ZNF676: variants seen among roughly 807,000 people sequenced by gnomAD.
ZNF676 encodes zinc finger protein 676.
A neutral mutation model predicts 6.0 loss-of-function variants in ZNF676; 4 were observed. The ratio of observed to expected loss-of-function variants is 0.67; its 90% CI spans 0.33 to 1.53. ZNF676 has a LOEUF of 1.53. ZNF676 is among the 40% of genes most tolerant of loss of function. ZNF676 has a pLI of 0.06. For synonymous variants in ZNF676, 198 were observed against 223.1 expected (o/e 0.89, Z 1.00); for missense variants, 644 against 679.7 (o/e 0.95, Z 0.58).
upstream of ZNF676, among the ~76,000 whole-genome samples, chr19:22,198,371 A>C (rs976129085): frequency 5.9e-5 from 9 of 152,318 alleles, no homozygotes; most frequent in African/African-American, 1.9e-4. Flanking sequence ...TGATTATTGT[A>C]AGAATTTTTT....
At chr19:22,229,519 A>C in the ZNF676 span, among the ~76,000 whole-genome samples, 1 of 152,232 alleles carries the variant, frequency 6.6e-6, no homozygotes, top group Non-Finnish European at 1.5e-5. Flanking sequence ...AATTAAACTC[A>C]AGAGCTTCTG....
the ZNF676 span, among the ~76,000 whole-genome samples, chr19:22,229,079 T>C: frequency 2.0e-4 from 30 of 152,034 alleles, no homozygotes; most frequent in African/African-American, 6.8e-4. Context: ...CTGGAGACAT[T>C]ACAGTACCTG....
chr19:22,223,614 T>C, the ZNF676 span, among the ~76,000 whole-genome samples: 9 of 152,014 alleles, frequency 5.9e-5, no homozygotes, highest in African/African-American at 2.2e-4. Flanking sequence ...TTCAGACATT[T>C]AGGATAATAT....
chr19:22,258,210 T>C, the ZNF676 span, among the ~76,000 whole-genome samples: 18 of 152,104 alleles, frequency 1.2e-4, no homozygotes, highest in Non-Finnish European at 2.4e-4. Context: ...CCCAGAGTTA[T>C]GTCACAACCT....
At chr19:22,234,666 G>T in the ZNF676 span, among the ~76,000 whole-genome samples, 1 of 152,296 alleles carries the variant, frequency 6.6e-6, no homozygotes, top group South Asian at 2.1e-4. Flanking sequence ...AGGTGCAGTG[G>T]CTCATGCCTG....
chr19:22,231,286 AAAGG>A, the ZNF676 span, among the ~76,000 whole-genome samples: 1 of 152,126 alleles, frequency 6.6e-6, no homozygotes, highest in African/African-American at 2.4e-5. Context: ...AAAACGACAC[AAAGG>A]AAGACACAGA....
At chr19:22,226,077 G>C in the ZNF676 span, among the ~76,000 whole-genome samples, 1 of 151,734 alleles carries the variant, frequency 6.6e-6, no homozygotes, top group Non-Finnish European at 1.5e-5. Context: ...TTATATCTAA[G>C]TATTTTATAT....
the ZNF676 span, among the ~76,000 whole-genome samples, chr19:22,249,976 A>G: frequency 1.3e-5 from 2 of 151,872 alleles, no homozygotes; most frequent in Admixed American, 1.3e-4. Flanking sequence ...TGAGGTCAGG[A>G]GTTTGGGACC....
the ZNF676 span, among the ~76,000 whole-genome samples, chr19:22,248,126 T>C: frequency 6.6e-6 from 1 of 152,172 alleles, no homozygotes; most frequent in Non-Finnish European, 1.5e-5. Context: ...ATGTGCCACA[T>C]TTTCTTAATC....
the ZNF676 span, among the ~76,000 whole-genome samples, chr19:22,237,658 T>C: frequency 6.4e-3 from 973 of 152,122 alleles, no homozygotes; most frequent in African/African-American, 0.021. Flanking sequence ...CAGTGCAGGG[T>C]TTATCTCAGA....
chr19:22,230,051 A>T, the ZNF676 span, among the ~76,000 whole-genome samples: 1 of 152,208 alleles, frequency 6.6e-6, no homozygotes, highest in African/African-American at 2.4e-5. Context: ...ATGCACACGT[A>T]TGTTTGTTGC....
At chr19:22,194,722 C>G (rs2023949096) in intron 1 of ZNF676, among the ~76,000 whole-genome samples, 1 of 151,948 alleles carries the variant, frequency 6.6e-6, no homozygotes, top group Non-Finnish European at 1.5e-5. Flanking sequence ...ATAATAACAC[C>G]CCCGCTAGGA....
At chr19:22,215,982 G>GGGATT (rs2024184283), upstream of ZNF676, among the ~76,000 whole-genome samples, 1 of 152,176 alleles carries the variant, frequency 6.6e-6, no homozygotes, top group African/African-American at 2.4e-5. Flanking sequence ...CCTGAGCTGA[G>GGGATT]CCAGGCCTAC....
rs748334900 is a variant in ZNF676 at position 22,180,716 on chromosome 19, T to C, written c.1001A>G (p.Glu334Gly). The change falls in exon 3 of 3, where the codon GAG (glutamate) becomes GGG (glycine). Residue 334 changes from glutamate to glycine, a missense_variant. Around this residue, in one of 5 missense-constraint regions of ZNF676, gnomAD observed 29 missense variants for 44.4 expected, o/e 0.65. Coordinates refer to ENST00000397121, the MANE Select transcript of ZNF676 (RefSeq NM_001001411.3). ...LTEHKRIHAG[E>G]KPYKCEECGK... The stretch of plus-strand genomic sequence containing the variant: ...GCATTCTTCACATTTGTAGGGTTTC[T>C]CTCCAGCATGAATTCTCTTGTGTTC... The C allele has an allele frequency of 1.2e-6, 2 of 1,612,670 alleles. No homozygotes were observed. Among genetic ancestry groups the C allele is most frequent in the Admixed American group, 1.7e-5 (1 of 59,942 alleles).
At chr19:22,244,823 T>G in the ZNF676 span, 7 of 152,238 alleles carry the variant, frequency 4.6e-5, no homozygotes, top group African/African-American at 1.7e-4. Context: ...TCTGATCCAG[T>G]CCTGTAGGTG....
At chr19:22,246,951 T>C in the ZNF676 span, among the ~76,000 whole-genome samples, 3 of 152,254 alleles carry the variant, frequency 2.0e-5, no homozygotes, top group African/African-American at 7.2e-5. Context: ...ACTTCTCTAA[T>C]AAACTTGCTT....
At position 22,196,689 on chromosome 19, in the gene ZNF676, G is replaced by C; in HGVS notation, c.-56C>G. On this transcript the variant is annotated 5_prime_UTR_variant, in exon 1 of 3. Coordinates refer to ENST00000397121, the MANE Select transcript of ZNF676 (RefSeq NM_001001411.3). ...ATCCAGGCATTGCCACTCCTCCAGA[G>C]AGAATTCTATGGCCACATCCCTAAA... 1 of 1,612,666 alleles carries C rather than the reference G, an allele frequency of 6.2e-7. No individual in the cohort carries two copies. The highest frequency in any genetic ancestry group is 1.1e-5 in the South Asian group (1 of 91,036).
the ZNF676 span, among the ~76,000 whole-genome samples, chr19:22,248,091 G>T: frequency 6.7e-6 from 1 of 148,970 alleles, no homozygotes; most frequent in Non-Finnish European, 1.5e-5. Flanking sequence ...ATTTTTTTAT[G>T]GCTGCATAGT....
Position 22,196,595 on chromosome 19 carries a change from C to A in ZNF676, c.34+5G>T. On this transcript the variant is annotated splice_donor_5th_base_variant and intron_variant, in intron 1 of 2. Coordinates refer to ENST00000397121, the MANE Select transcript of ZNF676 (RefSeq NM_001001411.3). ...CTAGGAATTGCGTATTAAAGTTATT[C>A]TCACCCAGGAAGACCAGGTTTCTGT... 1 of 1,613,620 alleles carries A rather than the reference C, an allele frequency of 6.2e-7. No homozygotes were observed. The highest frequency in any genetic ancestry group is 8.5e-7 in the Non-Finnish European group (1 of 1,179,590).
Sources: gnomAD v4.1 joint callset for allele counts (sites outside exome capture counted in the v4.1 genomes callset) on GRCh38, gnomAD v4.1.1 for gene constraint, gnomAD v4.1.1 regional missense constraint, MANE v1.5 for transcripts, NCBI Gene and HGNC (gene_info 2026-07-23, HGNC 2026-07-21) for gene names.